DIP2B: variants seen among roughly 807,000 people sequenced by gnomAD.
DIP2B encodes DIP2 acetate--CoA ligase B (putative).
In DIP2B, 76 loss-of-function variants were observed where a neutral mutation model predicts 198.0. The ratio of observed to expected loss-of-function variants is 0.38; its 90% CI spans 0.32 to 0.46. DIP2B has a LOEUF of 0.46. Among genes scored for constraint, DIP2B ranks in the 20% least tolerant of loss-of-function variants. The pLI, the probability that DIP2B is intolerant of heterozygous loss-of-function variation, is 0.99. For missense variants in DIP2B, 1,559 were observed against 1,978.4 expected (o/e 0.79, Z 4.02); for synonymous variants, 701 against 739.1 (o/e 0.95, Z 0.84).
At chr12:50,686,735 G>A (rs2139542253) in intron 12 of DIP2B, 53 bp downstream of exon 12, 2 of 1,525,188 alleles carry the variant, frequency 1.3e-6, no homozygotes, top group Non-Finnish European at 1.8e-6. Context: ...GGCTTTGCTT[G>A]CCACCTTTCA....
chr12:50,549,198 G>A (rs1958403947), intron 1 of DIP2B, among the ~76,000 whole-genome samples: 1 of 151,752 alleles, frequency 6.6e-6, no homozygotes, highest in African/African-American at 2.4e-5. Context: ...GCTGGGCGCG[G>A]TGGCTCATGC....
chr12:50,706,440 A>T (rs945623167), intron 20 of DIP2B, 98 bp from the exon 21 acceptor site: 2 of 1,417,972 alleles, frequency 1.4e-6, no homozygotes, highest in Non-Finnish European at 1.9e-6. Context: ...TGTTTTTAAT[A>T]CTTTTTAAAT....
chr12:50,677,592 G>A (rs528602341), intron 7 of DIP2B, among the ~76,000 whole-genome samples: 5 of 152,292 alleles, frequency 3.3e-5, no homozygotes, highest in Admixed American at 3.3e-4. Context: ...TCCAGCCTGG[G>A]CAACAGAGCA....
intron 1 of DIP2B, among the ~76,000 whole-genome samples, chr12:50,607,993 A>G (rs1264778709): frequency 1.3e-5 from 2 of 152,072 alleles, no homozygotes; most frequent in African/African-American, 4.8e-5. Context: ...GGTTTTTACC[A>G]TGTTGGCCAG....
At chr12:50,731,659 T>TA (rs1940044699) in intron 31 of DIP2B, 122 bp downstream of exon 31, 1 of 1,192,992 alleles carries the variant, frequency 8.4e-7, no homozygotes, top group Non-Finnish European at 1.1e-6. Context: ...GTCACTCAGT[T>TA]AAAAAAGGGT....
intron 22 of DIP2B, among the ~76,000 whole-genome samples, chr12:50,712,983 C>T (rs945842284): frequency 1.3e-5 from 2 of 152,140 alleles, no homozygotes; most frequent in Non-Finnish European, 2.9e-5. Flanking sequence ...TAGAAAATAT[C>T]TAAGTATGTA....
chr12:50,662,279 A>T (rs1938662953), intron 4 of DIP2B, among the ~76,000 whole-genome samples: 1 of 152,188 alleles, frequency 6.6e-6, no homozygotes, highest in Admixed American at 6.5e-5. Flanking sequence ...AGAAGGCTTC[A>T]TGTGCTGTGA....
intron 2 of DIP2B, among the ~76,000 whole-genome samples, chr12:50,629,762 A>G (rs1007551049): frequency 2.6e-5 from 4 of 151,938 alleles, no homozygotes; most frequent in African/African-American, 4.8e-5. Context: ...CAGAAAACCA[A>G]CTACAACATC....
chr12:50,722,941 T>G, intron 26 of DIP2B, among the ~76,000 whole-genome samples: 1 of 152,212 alleles, frequency 6.6e-6, no homozygotes, highest in East Asian at 1.9e-4. Context: ...AGCAATAATA[T>G]CAATATACCT....
chr12:50,696,961 T>C (rs1939323238), intron 16 of DIP2B, 100 bp from the exon 17 acceptor site: 3 of 836,062 alleles, frequency 3.6e-6, no homozygotes, highest in Non-Finnish European at 3.8e-6. Context: ...ATATGAGTTC[T>C]CATGAGAAAT....
At chr12:50,577,336 C>G (rs1958671487) in intron 1 of DIP2B, among the ~76,000 whole-genome samples, 1 of 151,868 alleles carries the variant, frequency 6.6e-6, no homozygotes. Context: ...TCGAGACCAT[C>G]CGGGCTAACA....
intron 1 of DIP2B, among the ~76,000 whole-genome samples, chr12:50,527,313 A>G (rs1413672098): frequency 1.3e-5 from 2 of 152,198 alleles, no homozygotes; most frequent in East Asian, 3.8e-4. Flanking sequence ...CACACAGAGT[A>G]TTTGTCTCTT....
At chr12:50,584,623 G>C (rs1958754561) in intron 1 of DIP2B, among the ~76,000 whole-genome samples, 1 of 152,182 alleles carries the variant, frequency 6.6e-6, no homozygotes, top group South Asian at 2.1e-4. Context: ...GAGTGCAGTG[G>C]TGTGATCTCA....
intron 31 of DIP2B, among the ~76,000 whole-genome samples, 193 bp from the exon 32 acceptor site, chr12:50,732,173 C>G (rs559311348): frequency 3.8e-4 from 58 of 152,248 alleles, no homozygotes; most frequent in African/African-American, 1.3e-3. Flanking sequence ...GCAAATTTAC[C>G]AGCAGATAGT....
chr12:50,600,740 T>C (rs1958927097), intron 1 of DIP2B, among the ~76,000 whole-genome samples: 1 of 152,220 alleles, frequency 6.6e-6, no homozygotes, highest in African/African-American at 2.4e-5. Context: ...ATATTTGCTT[T>C]AGTGATAAAG....
chr12:50,726,860 GC>G (rs1464869240), intron 28 of DIP2B, among the ~76,000 whole-genome samples: 1 of 152,024 alleles, frequency 6.6e-6, no homozygotes, highest in Non-Finnish European at 1.5e-5. Flanking sequence ...TGGTTGTAAT[GC>G]CAGCACTCTG....
At position 50,706,599 on chromosome 12, in the gene DIP2B, A is replaced by G. The variant is rs1285270424; in HGVS notation, c.2468A>G (p.His823Arg). 6.2e-7 allele frequency: 1 copy of G among 1,614,168 alleles called. No individual in the cohort carries two copies. Among genetic ancestry groups the G allele is most frequent in the South Asian group, 1.1e-5 (1 of 91,086 alleles). Residue 823 changes from histidine to arginine, a missense_variant, in exon 21 of 38, where the codon CAT becomes CGT. Transcript: ENST00000301180. The stretch of plus-strand genomic sequence containing the variant: ...TTACTGATGGTTAGTGGTCGAAGAC[A>G]TAATGCTGATGACATTGTTGCTACT... ...DGLLMVSGRR[H>R]NADDIVATGL...
At chr12:50,721,206 G>A (rs1939829869) in intron 25 of DIP2B, 67 bp from the exon 26 acceptor site, 1 of 1,564,096 alleles carries the variant, frequency 6.4e-7, no homozygotes, top group Non-Finnish European at 8.7e-7. Context: ...ATGTTGAATT[G>A]GCTGTGCTTA....
chr12:50,606,620 G>T (rs1175228007), intron 1 of DIP2B, among the ~76,000 whole-genome samples: 1 of 152,048 alleles, frequency 6.6e-6, no homozygotes, highest in East Asian at 1.9e-4. Context: ...ATTCCAAAAA[G>T]GCATACAACT....
Sources: gnomAD v4.1 joint callset for allele counts (sites outside exome capture counted in the v4.1 genomes callset) on GRCh38, gnomAD v4.1.1 for gene constraint, MANE v1.5 for transcripts, NCBI Gene and HGNC (gene_info 2026-07-23, HGNC 2026-07-21) for gene names.